ZFYVE21: variants seen among roughly 807,000 people sequenced by gnomAD.
ZFYVE21 encodes zinc finger FYVE-type containing 21.
Under a neutral mutation model 29.5 loss-of-function variants are expected in ZFYVE21, and 21 were observed. The ratio of observed to expected loss-of-function variants is 0.71; its 90% CI spans 0.50 to 1.02. The LOEUF is 1.02. Among genes scored for constraint, ZFYVE21 ranks in the 50% least tolerant of loss-of-function variants. The pLI, the probability that ZFYVE21 is intolerant of heterozygous loss-of-function variation, is 0.00. For synonymous variants in ZFYVE21, 151 were observed against 133.8 expected, an observed-to-expected ratio of 1.13 and a Z score of -0.89; for missense variants, 326 against 335.4, an observed-to-expected ratio of 0.97 and a Z score of 0.22.
intron 2 of ZFYVE21, 91 bp from the exon 3 acceptor site, chr14:103,727,655 T>C (rs1015779844): frequency 6.5e-7 from 1 of 1,533,218 alleles, no homozygotes; most frequent in African/African-American, 1.4e-5. Flanking sequence ...CGTTTAGGCG[T>C]GGCCCGGGGA....
At position 103,733,125 on chromosome 14, in the gene ZFYVE21, G is replaced by A. The variant is rs1013990246; in HGVS notation, c.*107G>A. 1 of 1,457,400 alleles carries A rather than the reference G, an allele frequency of 6.9e-7. No individual in the cohort carries two copies. Among genetic ancestry groups the A allele is most frequent in the Non-Finnish European group, 9.5e-7 (1 of 1,049,412 alleles). The allele number at this position is 1,457,400 out of a possible 1,614,324, so 90.3% of individuals were successfully genotyped here. Reference sequence around the variant, plus strand: ...CACAGGGATTAATCCTGCTTGTGCTGGGAAATGCAACTCACTCATGTATTT... The same window carrying A: ...CACAGGGATTAATCCTGCTTGTGCTAGGAAATGCAACTCACTCATGTATTT... On this transcript the variant is annotated 3_prime_UTR_variant, in exon 7 of 7. Transcript: ENST00000311141.
intron 1 of ZFYVE21, among the ~76,000 whole-genome samples, chr14:103,723,983 C>T (rs550573248): frequency 9.8e-5 from 15 of 152,290 alleles, no homozygotes; most frequent in Non-Finnish European, 2.2e-4. Context: ...CAGAGCAGCT[C>T]CTCCACACCA....
chr14:103,724,613 C>G (rs1220438386), intron 1 of ZFYVE21: 1 of 152,246 alleles, frequency 6.6e-6, no homozygotes, highest in Non-Finnish European at 1.5e-5. Flanking sequence ...TCTTACATCT[C>G]TTTTGAGGAT....
At chr14:103,721,506 G>A (rs866894607) in intron 1 of ZFYVE21, among the ~76,000 whole-genome samples, 19 of 152,250 alleles carry the variant, frequency 1.2e-4, no homozygotes, top group African/African-American at 4.1e-4. Flanking sequence ...GGCCTGGGCC[G>A]AGGCTGCCTC....
intron 5 of ZFYVE21, chr14:103,731,589 A>G (rs530784089): frequency 6.6e-6 from 1 of 152,268 alleles, no homozygotes; most frequent in Non-Finnish European, 1.5e-5. Context: ...CCTGGGCAAC[A>G]AGAGCAAAGA....
chr14:103,718,984 G>A (rs1196023657), intron 1 of ZFYVE21, among the ~76,000 whole-genome samples: 1 of 152,200 alleles, frequency 6.6e-6, no homozygotes, highest in Non-Finnish European at 1.5e-5. Flanking sequence ...GTTCTGCGAG[G>A]GTCTCACAGG....
chr14:103,716,052 G>A lies in ZFYVE21; in HGVS notation c.138+73G>A, dbSNP rs1005417639. ...CCGGCCCGGCCCCGCGGGCTTCCAGGCTCCCGCGACGACCCCTCCGCCTCC... is the reference window on the plus strand; with the variant it reads ...CCGGCCCGGCCCCGCGGGCTTCCAGACTCCCGCGACGACCCCTCCGCCTCC... On this transcript the variant is annotated intron_variant, in intron 1 of 6. Coordinates refer to ENST00000311141, the MANE Select transcript of ZFYVE21 (RefSeq NM_024071.4). This position sits in a 1 kb window ranked among gnomAD's most constrained non-coding sequence, Gnocchi z 4.8. The A allele has an allele frequency of 1.5e-5, 17 of 1,161,124 alleles. No homozygotes were observed. In the African/African-American group the frequency reaches 2.6e-4, roughly 18 times the overall value. The allele number at this position is 1,161,124 out of a possible 1,614,324, so 71.9% of individuals were successfully genotyped here.
chr14:103,726,952 T>TTTTTTTGTTG, intron 2 of ZFYVE21, 110 bp downstream of exon 2: 1 of 1,214,998 alleles, frequency 8.2e-7, no homozygotes, highest in Non-Finnish European at 1.1e-6. Flanking sequence ...TGGCTCGTTT[T>TTTTTTTGTTG]TTTTTTTTTT....
rs1404585231 is a variant in ZFYVE21 at position 103,732,629 on chromosome 14, C to G, written c.536C>G (p.Ala179Gly). ...CGTCTCTCTCCTCCAGGAGGCAACG[C>G]ACGGGCCACAGGCATGTTCCTGCAG... ...TEGFPPGGGN[A>G]RATGMFLQYT... The change falls in exon 6 of 7, where the codon GCA (alanine) becomes GGA (glycine). Residue 179 changes from alanine to glycine, a missense_variant. Coordinates refer to ENST00000311141, the MANE Select transcript of ZFYVE21 (RefSeq NM_024071.4). The G allele has an allele frequency of 6.3e-7, 1 of 1,576,740 alleles. No individual in the cohort carries two copies. Among genetic ancestry groups the G allele is most frequent in the Admixed American group, 2.0e-5 (1 of 50,568 alleles).
rs1420746791 is a variant in ZFYVE21, at chr14:103,730,092, AGC to A, written c.526+911_526+912del. On this transcript the variant is annotated intron_variant, in intron 5 of 6. Transcript: ENST00000311141. ...GCGGGAGGGTTACCCAGCAATTGACAGCTCTCTGTCAGTACCTGCCAGCCCTG... is the reference window on the plus strand; with the variant it reads ...GCGGGAGGGTTACCCAGCAATTGACATCTCTGTCAGTACCTGCCAGCCCTG... 5.6e-6 allele frequency: 3 copies of A among 539,514 alleles called. No individual in the cohort carries two copies. The African/African-American group carries it at 5.8e-5, about 10-fold the overall frequency. The allele number at this position is 539,514 out of a possible 1,614,324, so 33.4% of individuals were successfully genotyped here. A position where few individuals can be genotyped will look rare whatever the true frequency, so the allele number is the denominator to read the frequency against.
Position 103,716,687 on chromosome 14 carries a change from C to G in ZFYVE21, c.138+708C>G, listed in dbSNP as rs1263211888. On this transcript the variant is annotated intron_variant, in intron 1 of 6. Transcript: ENST00000311141. This position sits in a 1 kb window ranked among gnomAD's most constrained non-coding sequence, Gnocchi z 4.8. Reference sequence around the variant, plus strand: ...ATGGGCCCAGACACGGCAGGAGTTGCCCAGGCCACTCCTGCAGACATTGGG... The same window carrying G: ...ATGGGCCCAGACACGGCAGGAGTTGGCCAGGCCACTCCTGCAGACATTGGG... Among the ~76,000 whole-genome samples the G allele has an allele frequency of 6.6e-6, 1 of 152,210 alleles. No individual in the cohort carries two copies. The highest frequency in any genetic ancestry group is 1.5e-5 in the Non-Finnish European group (1 of 68,030).
In ZFYVE21 at chr14:103,732,939, A is replaced by C. The variant is rs753608629; in HGVS notation, c.670-44A>C. ...ACACAGGCTTGGCTCCACCAGGCAC[A>C]GGACCAAGCAGGCCTCACTGTGTTG... On this transcript the variant is annotated intron_variant, in intron 6 of 6. Transcript: ENST00000311141. 8 of 1,613,830 alleles carry C rather than the reference A, an allele frequency of 5.0e-6. No homozygotes were observed. The Admixed American group carries it at 1.3e-4, about 27-fold the overall frequency.
chr14:103,720,483 C>G (rs2083863579), intron 1 of ZFYVE21, among the ~76,000 whole-genome samples: 1 of 152,108 alleles, frequency 6.6e-6, no homozygotes, highest in Non-Finnish European at 1.5e-5. Flanking sequence ...GTGGTGGGGC[C>G]TGATGTTTTT....
chr14:103,725,298 C>T (rs906220120), intron 1 of ZFYVE21: 4 of 152,362 alleles, frequency 2.6e-5, no homozygotes, highest in African/African-American at 7.2e-5. Flanking sequence ...ACGGTGACTT[C>T]GTCCCTTGGT....
At chr14:103,723,626 G>C (rs1427415158) in intron 1 of ZFYVE21, among the ~76,000 whole-genome samples, 1 of 152,238 alleles carries the variant, frequency 6.6e-6, no homozygotes, top group Non-Finnish European at 1.5e-5. Context: ...GCCAGTCCTT[G>C]CTGCAGAATG....
At chr14:103,728,730 C>CTTA in intron 3 of ZFYVE21, 178 bp from the exon 4 acceptor site, 1 of 615,968 alleles carries the variant, frequency 1.6e-6, no homozygotes, top group South Asian at 2.0e-5. Flanking sequence ...ACCTCTTAAA[C>CTTA]CCTTGATCCA....
intron 5 of ZFYVE21, chr14:103,729,611 TG>T: frequency 1.4e-6 from 1 of 740,056 alleles, no homozygotes; most frequent in Non-Finnish European, 2.2e-6. Context: ...GTGCATTTCC[TG>T]GTGAGCTTTG....
chr14:103,725,089 G>A (rs2083910252), intron 1 of ZFYVE21: 1 of 152,264 alleles, frequency 6.6e-6, no homozygotes, highest in South Asian at 2.1e-4. Flanking sequence ...TCAGAGCCAG[G>A]TCTGAATGTC....
In ZFYVE21 at chr14:103,720,226, G is replaced by A. The variant is rs552695414; in HGVS notation, c.138+4247G>A. Among the ~76,000 whole-genome samples, 6 of 152,252 alleles carry A rather than the reference G, an allele frequency of 3.9e-5. No individual in the cohort carries two copies. In the East Asian group the frequency reaches 1.2e-3, roughly 29 times the overall value. ...GCTCTTTGGATTCTCCTTTGAACTG[G>A]GTTTTTAGTCTTATTGGTTCTCTCA... On this transcript the variant is annotated intron_variant, in intron 1 of 6. Transcript: ENST00000311141.
Sources: allele counts gnomAD v4.1 joint callset (sites outside exome capture counted in the v4.1 genomes callset), GRCh38; gene constraint gnomAD v4.1.1; non-coding constraint Gnocchi (gnomAD v3.1); transcripts MANE v1.5; gene names NCBI Gene and HGNC (gene_info 2026-07-23, HGNC 2026-07-21).